TOPBP1: variants seen among roughly 807,000 people sequenced by gnomAD.
TOPBP1 encodes DNA topoisomerase 2-binding protein 1.
In TOPBP1, 28 loss-of-function variants were observed where a neutral mutation model predicts 167.7. That is an observed-to-expected ratio of 0.17 (90% CI 0.12 to 0.23). TOPBP1 has a LOEUF of 0.23. Among genes scored for constraint, TOPBP1 ranks in the 10% least tolerant of loss-of-function variants. The pLI is 1.00. For synonymous variants in TOPBP1, 598 were observed against 611.4 expected, an observed-to-expected ratio of 0.98 and a Z score of 0.32; for missense variants, 1,554 against 1,809.6, an observed-to-expected ratio of 0.86 and a Z score of 2.56.
chr3:133,624,323 G>A (rs1313351571), intron 16 of TOPBP1, 148 bp from the exon 17 acceptor site: 8 of 887,620 alleles, frequency 9.0e-6, no homozygotes, highest in Non-Finnish European at 1.3e-5. Flanking sequence ...ACAGGCTCAA[G>A]CCAAGTGATA....
At chr3:133,608,483 C>G (rs939468935) in intron 27 of TOPBP1, 52 bp downstream of exon 27, 2 of 1,590,146 alleles carry the variant, frequency 1.3e-6, no homozygotes, top group Non-Finnish European at 1.7e-6. Flanking sequence ...CTTATCTATG[C>G]ACATAAACGT....
intron 3 of TOPBP1, 97 bp from the exon 4 acceptor site, chr3:133,658,038 T>G (rs1271635494): frequency 2.0e-6 from 2 of 986,616 alleles, no homozygotes; most frequent in South Asian, 2.4e-5. Context: ...TTTACCAAAG[T>G]TGATGACCAC....
intron 27 of TOPBP1, among the ~76,000 whole-genome samples, chr3:133,606,052 C>T (rs971348731): frequency 6.6e-6 from 1 of 151,812 alleles, no homozygotes; most frequent in Non-Finnish European, 1.5e-5. Flanking sequence ...ATTAGCTGGG[C>T]ATGGTGGCAC....
At chr3:133,634,844 G>A (rs899419894) in intron 14 of TOPBP1, among the ~76,000 whole-genome samples, 1 of 152,166 alleles carries the variant, frequency 6.6e-6, no homozygotes, top group Non-Finnish European at 1.5e-5. Context: ...CCTACCAAAA[G>A]TGACAGGTAA....
At chr3:133,659,750 A>T (rs1352586710) in intron 2 of TOPBP1, among the ~76,000 whole-genome samples, 2 of 143,482 alleles carry the variant, frequency 1.4e-5, no homozygotes, top group African/African-American at 5.0e-5. Context: ...TATTCTATTT[A>T]AAAATACGTA....
chr3:133,623,334 C>G lies in TOPBP1; in HGVS notation c.3052G>C (p.Val1018Leu). The part of the protein sequence containing the change: ...RLCNSRLLSA[V>L]SSTKDDEPDP... ...ACCTCATCATCCTTTGTTGAAGACA[C>G]AGCTGAGAGTAGTCGACTATTACAG... The change falls in exon 18 of 28, where the codon GTG (valine) becomes CTG (leucine). Residue 1018 changes from valine to leucine, a missense_variant. By Grantham distance (32) the Val-to-Leu change is conservative. Coordinates refer to ENST00000260810, the MANE Select transcript of TOPBP1 (RefSeq NM_007027.4). 6.2e-7 allele frequency: 1 copy of G among 1,613,684 alleles called. No homozygotes were observed. Among genetic ancestry groups the G allele is most frequent in the South Asian group, 1.1e-5 (1 of 91,022 alleles).
At chr3:133,638,237 T>C in intron 13 of TOPBP1, 75 bp from the exon 14 acceptor site, 1 of 1,347,304 alleles carries the variant, frequency 7.4e-7, no homozygotes, top group Non-Finnish European at 1.0e-6. Flanking sequence ...AGAAGTAATA[T>C]TTTATACTGT....
chr3:133,654,905 A>G (rs62282427), intron 6 of TOPBP1, among the ~76,000 whole-genome samples: 21,427 of 152,194 alleles, frequency 0.14, 1,840 homozygotes, highest in Non-Finnish European at 0.2. Context: ...TTCTGTAAAG[A>G]TTTTAAAATA....
intron 27 of TOPBP1, among the ~76,000 whole-genome samples, chr3:133,606,568 G>A (rs1454888436): frequency 2.0e-5 from 3 of 150,020 alleles, no homozygotes; most frequent in African/African-American, 4.9e-5. Context: ...AAAGGACATG[G>A]AACAGCTAAA....
intron 16 of TOPBP1, chr3:133,628,110 T>C: frequency 4.8e-6 from 2 of 416,808 alleles, no homozygotes; most frequent in South Asian, 6.0e-5. Flanking sequence ...GAATAGTTAG[T>C]GGCATAAAAT....
At chr3:133,631,095 G>GGGAGGACTGCTTGAGCCCAGGAGGTCAA (rs1353665694) in intron 14 of TOPBP1, among the ~76,000 whole-genome samples, 13 of 152,118 alleles carry the variant, frequency 8.5e-5, no homozygotes, top group Non-Finnish European at 1.8e-4. Flanking sequence ...AGGCTGAGGT[G>GGGAGGACTGCTTGAGCCCAGGAGGTCAA]GGAGGACTGC....
intron 6 of TOPBP1, among the ~76,000 whole-genome samples, chr3:133,654,318 T>C (rs1336233214): frequency 3.3e-5 from 5 of 152,240 alleles, no homozygotes; most frequent in Admixed American, 2.6e-4. Flanking sequence ...AGATAAATTA[T>C]ATTGAAAATA....
At chr3:133,615,865 C>G (rs913768808) in intron 23 of TOPBP1, among the ~76,000 whole-genome samples, 1 of 152,156 alleles carries the variant, frequency 6.6e-6, no homozygotes, top group East Asian at 1.9e-4. Flanking sequence ...CCTCAGCCCC[C>G]CAAAGTCTGG....
intron 16 of TOPBP1, among the ~76,000 whole-genome samples, chr3:133,627,592 T>C (rs1433784228): frequency 6.6e-6 from 1 of 152,172 alleles, no homozygotes; most frequent in East Asian, 1.9e-4. Context: ...GAAAACAAAC[T>C]GAAATAAGAG....
At chr3:133,607,158 G>A (rs1051771503) in intron 27 of TOPBP1, among the ~76,000 whole-genome samples, 1 of 152,146 alleles carries the variant, frequency 6.6e-6, no homozygotes, top group Non-Finnish European at 1.5e-5. Flanking sequence ...TATCTGAAGT[G>A]CTTAGAATCA....
At chr3:133,634,645 C>T (rs1935606610) in intron 14 of TOPBP1, among the ~76,000 whole-genome samples, 1 of 151,382 alleles carries the variant, frequency 6.6e-6, no homozygotes, top group Non-Finnish European at 1.5e-5. Flanking sequence ...ACATACAAAG[C>T]AAGGCAGTAG....
intron 16 of TOPBP1, chr3:133,628,150 TA>T (rs1209997664): frequency 1.3e-5 from 7 of 528,130 alleles, no homozygotes; most frequent in Admixed American, 3.2e-5. Context: ...GTGCATACCC[TA>T]AAAAATATAC....
chr3:133,603,498 C>G (rs1416201937), intron 27 of TOPBP1, among the ~76,000 whole-genome samples: 6 of 152,006 alleles, frequency 3.9e-5, no homozygotes, highest in Admixed American at 3.9e-4. Context: ...ATGACACAGA[C>G]AAGTTTAAAA....
chr3:133,626,357 G>C (rs922951795), intron 16 of TOPBP1, among the ~76,000 whole-genome samples: 1 of 152,214 alleles, frequency 6.6e-6, no homozygotes, highest in African/African-American at 2.4e-5. Context: ...TATGTTGGAG[G>C]GTGCTACTAG....
Sources: gnomAD v4.1 joint callset for allele counts (sites outside exome capture counted in the v4.1 genomes callset) on GRCh38, gnomAD v4.1.1 for gene constraint, MANE v1.5 for transcripts, NCBI Gene and HGNC (gene_info 2026-07-23, HGNC 2026-07-21) for gene names.